The following GRID2 variants were observed in gnomAD, a reference collection of about 807,000 sequenced individuals.
GRID2 encodes glutamate receptor ionotropic, delta-2.
Under a neutral mutation model 114.8 loss-of-function variants are expected in GRID2, and 33 were observed. The observed-to-expected ratio is 0.29, with a 90% CI of 0.22 to 0.38. The LOEUF (loss-of-function observed/expected upper bound fraction) is 0.38. GRID2 is among the 10% of genes least tolerant of loss of function. The probability of loss-of-function intolerance (pLI) is 1.00; values close to 1 mark genes in which losing one functional copy is unlikely to be tolerated. For synonymous variants in GRID2, 505 were observed against 449.9 expected (o/e 1.12, Z -1.55); for missense variants, 1,184 against 1,257.7 (o/e 0.94, Z 0.89).
chr4:92,743,520 G>A (rs1416929316), intron 2 of GRID2, among the ~76,000 whole-genome samples: 3 of 152,118 alleles, frequency 2.0e-5, no homozygotes, highest in African/African-American at 4.8e-5. Flanking sequence ...ACAAGAAATA[G>A]CTTTTCTTCA....
intron 8 of GRID2, among the ~76,000 whole-genome samples, chr4:93,316,307 A>C (rs866507896): frequency 0.014 from 1,593 of 117,288 alleles, 21 homozygotes; most frequent in Non-Finnish European, 0.018. Context: ...AAAGAAAGAA[A>C]GAAAGAAAGA....
chr4:92,970,212 C>T, intron 2 of GRID2, among the ~76,000 whole-genome samples: 1 of 151,804 alleles, frequency 6.6e-6, no homozygotes, highest in East Asian at 1.9e-4. Flanking sequence ...CACTAATCCA[C>T]AATATTATGA....
Position 93,772,541 on chromosome 4 carries a change from T to G in GRID2, c.*43T>G. On this transcript the variant is annotated 3_prime_UTR_variant, in exon 16 of 16. Coordinates refer to ENST00000282020, the MANE Select transcript of GRID2 (RefSeq NM_001510.4). ...TCACTGTTTCTTTTTTAGGACTCCC[T>G]TTGCAAGGAGCAACTGTAATATTGT... The G allele has an allele frequency of 7.4e-7, 1 of 1,357,180 alleles. No homozygotes were observed. The highest frequency in any genetic ancestry group is 1.0e-6 in the Non-Finnish European group (1 of 984,762). The allele number at this position is 1,357,180 out of a possible 1,614,324, so 84.1% of individuals were successfully genotyped here.
chr4:92,776,404 G>A (rs1027971923), intron 2 of GRID2, among the ~76,000 whole-genome samples: 14 of 151,978 alleles, frequency 9.2e-5, no homozygotes, highest in Non-Finnish European at 1.5e-5. Flanking sequence ...AAAATAATTA[G>A]AATGGGATAT....
At chr4:93,417,587 C>A (rs1282460141) in intron 9 of GRID2, among the ~76,000 whole-genome samples, 1 of 152,010 alleles carries the variant, frequency 6.6e-6, no homozygotes, top group Admixed American at 6.6e-5. Flanking sequence ...ATCCCAGAGT[C>A]TAACCACCCA....
intron 2 of GRID2, among the ~76,000 whole-genome samples, chr4:92,611,889 AAG>A: frequency 6.6e-6 from 1 of 151,482 alleles, no homozygotes; most frequent in Admixed American, 6.6e-5. Context: ...TAATCTTGAT[AAG>A]AGTTTTTTTT....
intron 1 of GRID2, among the ~76,000 whole-genome samples, chr4:92,531,475 T>C (rs1033646562): frequency 6.6e-6 from 1 of 152,110 alleles, no homozygotes; most frequent in African/African-American, 2.4e-5. Context: ...AATAAAGTTA[T>C]TGGAAGGTAC....
chr4:93,177,949 T>G, intron 4 of GRID2, among the ~76,000 whole-genome samples: 1 of 152,180 alleles, frequency 6.6e-6, no homozygotes, highest in South Asian at 2.1e-4. Context: ...AATAAAAAAC[T>G]ACTATTTGTC....
intron 2 of GRID2, among the ~76,000 whole-genome samples, chr4:92,597,681 C>T (rs958289919): frequency 2.0e-5 from 3 of 152,082 alleles, no homozygotes; most frequent in Non-Finnish European, 2.9e-5. Context: ...TTGTATTCTT[C>T]TATGTCTGTA....
intron 2 of GRID2, among the ~76,000 whole-genome samples, chr4:92,850,347 T>C (rs1225715531): frequency 1.3e-5 from 2 of 151,860 alleles, no homozygotes; most frequent in Admixed American, 6.6e-5. Context: ...ATGCATTGTT[T>C]CAGGTATTTT....
chr4:92,567,880 CA>C (rs1727411064), intron 1 of GRID2, among the ~76,000 whole-genome samples: 1 of 151,952 alleles, frequency 6.6e-6, no homozygotes, highest in Non-Finnish European at 1.5e-5. Flanking sequence ...TCAGAGTTAA[CA>C]CAGCAAACAA....
chr4:93,810,117 G>A (rs955565917), exon 2 of GRID2: 1 of 152,190 alleles, frequency 6.6e-6, no homozygotes, highest in Non-Finnish European at 1.5e-5. Context: ...ATAAGACTGG[G>A]CAGGGGATGG....
intron 8 of GRID2, among the ~76,000 whole-genome samples, chr4:93,244,567 TATATTAA>T (rs1347824334): frequency 2.5e-5 from 1 of 40,222 alleles, no homozygotes; most frequent in Non-Finnish European, 4.8e-5. Flanking sequence ...TAATCTATTA[TATATTAA>T]TTAATAGATT....
chr4:93,143,782 T>G (rs550317992), intron 4 of GRID2, among the ~76,000 whole-genome samples: 1 of 152,324 alleles, frequency 6.6e-6, no homozygotes, highest in African/African-American at 2.4e-5. Context: ...TTCAGAGGAT[T>G]ATTCTAACAT....
intron 1 of GRID2, among the ~76,000 whole-genome samples, chr4:92,535,943 C>T (rs954836516): frequency 2.0e-5 from 3 of 152,122 alleles, no homozygotes; most frequent in African/African-American, 7.2e-5. Context: ...GGTTCATGGT[C>T]TCACTGGCTT....
intron 2 of GRID2, among the ~76,000 whole-genome samples, chr4:92,700,517 T>A (rs1734619466): frequency 6.6e-6 from 1 of 152,200 alleles, no homozygotes; most frequent in South Asian, 2.1e-4. Context: ...CTAATTCTCC[T>A]TTCCCTTAGT....
intron 2 of GRID2, among the ~76,000 whole-genome samples, chr4:93,013,034 C>G (rs1460139560): frequency 6.6e-6 from 1 of 151,962 alleles, no homozygotes; most frequent in Non-Finnish European, 1.5e-5. Context: ...TGCATAATTA[C>G]TTACCAGGCA....
intron 8 of GRID2, among the ~76,000 whole-genome samples, chr4:93,322,177 C>T (rs942865161): frequency 6.6e-6 from 1 of 151,998 alleles, no homozygotes; most frequent in Admixed American, 6.6e-5. Flanking sequence ...GGTTTATCTC[C>T]TAATGCTATC....
chr4:93,695,054 C>T (rs1243210898), intron 14 of GRID2, among the ~76,000 whole-genome samples: 1 of 151,816 alleles, frequency 6.6e-6, no homozygotes, highest in African/African-American at 2.4e-5. Context: ...GCCATTAGTC[C>T]CAGCTACCTA....
Sources: allele counts gnomAD v4.1 joint callset (sites outside exome capture counted in the v4.1 genomes callset), GRCh38; gene constraint gnomAD v4.1.1; transcripts MANE v1.5; gene names NCBI Gene and HGNC (gene_info 2026-07-23, HGNC 2026-07-21).